Variants in PDZRN4 observed in about 807,000 individuals in gnomAD.
PDZRN4 encodes the protein PDZ domain-containing RING finger protein 4.
Under a neutral mutation model 99.0 loss-of-function variants are expected in PDZRN4, and 70 were observed. The ratio of observed to expected loss-of-function variants is 0.71; its 90% confidence interval spans 0.58 to 0.86. PDZRN4 has a LOEUF of 0.86. Among genes scored for constraint, PDZRN4 ranks in the 40% least tolerant of loss-of-function variants. The pLI is 0.00. For missense variants in PDZRN4, 1,474 were observed against 1,331.2 expected (o/e 1.11, Z -1.67); for synonymous variants, 551 against 501.6 (o/e 1.10, Z -1.32).
intron 3 of PDZRN4, among the ~76,000 whole-genome samples, chr12:41,198,333 C>T (rs1034328499): frequency 6.6e-6 from 1 of 152,052 alleles, no homozygotes; most frequent in Non-Finnish European, 1.5e-5. Context: ...CAGCACTCCC[C>T]TAACCCCTGC....
At chr12:41,247,886 A>G (rs17129165) in intron 3 of PDZRN4, among the ~76,000 whole-genome samples, 2,310 of 152,316 alleles carry the variant, frequency 0.015, 60 homozygotes, top group African/African-American at 0.053. Context: ...TTAAGTTAAT[A>G]TACTTGGGAC....
At chr12:41,480,092 TA>T (rs1937649724) in intron 3 of PDZRN4, among the ~76,000 whole-genome samples, 1 of 152,208 alleles carries the variant, frequency 6.6e-6, no homozygotes, top group Non-Finnish European at 1.5e-5. Flanking sequence ...CTATTATAAT[TA>T]AAAGTTCATG....
chr12:41,232,898 A>G (rs1049047314), intron 3 of PDZRN4, among the ~76,000 whole-genome samples: 1 of 152,032 alleles, frequency 6.6e-6, no homozygotes, highest in African/African-American at 2.4e-5. Flanking sequence ...TGGCTAGCCA[A>G]TTTTCCACAC....
chr12:41,543,315 T>G (rs1287952741), intron 5 of PDZRN4, among the ~76,000 whole-genome samples: 2 of 152,140 alleles, frequency 1.3e-5, no homozygotes, highest in Non-Finnish European at 1.5e-5. Flanking sequence ...AAAAGCAATC[T>G]TCAGAATTAA....
intron 3 of PDZRN4, among the ~76,000 whole-genome samples, chr12:41,267,689 A>T (rs1297405498): frequency 6.7e-6 from 1 of 149,564 alleles, no homozygotes; most frequent in African/African-American, 2.5e-5. Flanking sequence ...AAAAAAAAAA[A>T]AATTAACTGG....
At chr12:41,196,974 A>G (rs1950777590) in intron 3 of PDZRN4, among the ~76,000 whole-genome samples, 1 of 152,092 alleles carries the variant, frequency 6.6e-6, no homozygotes, top group Non-Finnish European at 1.5e-5. Context: ...ACTAGTTCAT[A>G]TATTATAAAA....
intron 7 of PDZRN4, among the ~76,000 whole-genome samples, chr12:41,558,106 C>G (rs1939198995): frequency 6.6e-6 from 1 of 152,132 alleles, no homozygotes; most frequent in African/African-American, 2.4e-5. Flanking sequence ...AAGTGTTTTA[C>G]TATTTTTTAA....
intron 3 of PDZRN4, among the ~76,000 whole-genome samples, chr12:41,470,492 C>A (rs11180934): frequency 3.9e-5 from 2 of 50,792 alleles, no homozygotes; most frequent in Non-Finnish European, 6.3e-5. Flanking sequence ...GCTTCACTTC[C>A]TTTTTTTTTA....
At chr12:41,418,793 A>C (rs999173267) in intron 3 of PDZRN4, among the ~76,000 whole-genome samples, 3 of 152,156 alleles carry the variant, frequency 2.0e-5, no homozygotes, top group African/African-American at 7.2e-5. Context: ...CCAAGGGAAA[A>C]GGGTTTGGCT....
chr12:41,382,586 G>T (rs1952135457), intron 3 of PDZRN4, among the ~76,000 whole-genome samples: 1 of 152,176 alleles, frequency 6.6e-6, no homozygotes, highest in Non-Finnish European at 1.5e-5. Flanking sequence ...AGGACTCTCA[G>T]GGAATAAGTT....
intron 1 of PDZRN4, 86 bp downstream of exon 1, chr12:41,189,189 G>T: frequency 1.5e-6 from 2 of 1,295,702 alleles, no homozygotes; most frequent in Admixed American, 2.0e-5. Context: ...GGATTCCTTT[G>T]GAATTGGGCA....
chr12:41,546,268 A>C (rs888489841), intron 5 of PDZRN4, among the ~76,000 whole-genome samples: 5 of 152,218 alleles, frequency 3.3e-5, no homozygotes, highest in Non-Finnish European at 7.3e-5. Flanking sequence ...GTGGACAAAG[A>C]GAACAGGGTA....
chr12:41,534,453 C>T (rs1296629269), intron 5 of PDZRN4, among the ~76,000 whole-genome samples: 1 of 152,080 alleles, frequency 6.6e-6, no homozygotes, highest in Non-Finnish European at 1.5e-5. Context: ...CCCTTCCCCT[C>T]ACTCCTCACA....
At chr12:41,340,066 C>A (rs1407063038) in intron 3 of PDZRN4, among the ~76,000 whole-genome samples, 1 of 152,060 alleles carries the variant, frequency 6.6e-6, no homozygotes, top group Non-Finnish European at 1.5e-5. Flanking sequence ...CCAGCAATTT[C>A]ACTGCTGAGT....
At chr12:41,384,777 G>A (rs1952155629) in intron 3 of PDZRN4, among the ~76,000 whole-genome samples, 1 of 152,026 alleles carries the variant, frequency 6.6e-6, no homozygotes, top group African/African-American at 2.4e-5. Flanking sequence ...GTGTGCCCTG[G>A]GTGAGACTCA....
At chr12:41,345,992 G>A (rs572394630) in intron 3 of PDZRN4, among the ~76,000 whole-genome samples, 1 of 151,994 alleles carries the variant, frequency 6.6e-6, no homozygotes, top group Non-Finnish European at 1.5e-5. Context: ...GTGTTTACTG[G>A]AGGATATTCA....
Position 41,574,133 on chromosome 12 carries a change from AAAAC to A in PDZRN4, c.*247_*250del, listed in dbSNP as rs1245457943. Reference sequence around the variant, plus strand: ...CATATTACTCGTTTATAAAAAATCAAAAACAAAAGGAAAGAAAACAAAAAAAACT... The same window carrying A: ...CATATTACTCGTTTATAAAAAATCAAAAAAGGAAAGAAAACAAAAAAAACT... On this transcript the variant is annotated 3_prime_UTR_variant, in exon 10 of 10. Coordinates refer to ENST00000402685, the MANE Select transcript of PDZRN4 (RefSeq NM_001164595.2). 1 of 308,860 alleles carries A rather than the reference AAAAC, an allele frequency of 3.2e-6. No homozygotes were observed. The allele number at this position is 308,860 out of a possible 1,614,324, so 19.1% of individuals were successfully genotyped here.
Position 41,194,111 on chromosome 12 carries a change from A to G in PDZRN4, c.766A>G (p.Ile256Val). Residue 256 changes from isoleucine (I) to valine (V), a missense_variant, in exon 3 of 10, where the codon ATT (isoleucine) becomes GTT (valine). Transcript: ENST00000402685. ...NNQEGTSTEGIYVSKILENGP... is the reference protein window; with the variant it reads ...NNQEGTSTEGVYVSKILENGP... ...TCAGGAAGGAACATCGACTGAAGGAATTTACGTTTCAAAAATTTTAGAAAA... is the reference window on the plus strand; with the variant it reads ...TCAGGAAGGAACATCGACTGAAGGAGTTTACGTTTCAAAAATTTTAGAAAA... The G allele has an allele frequency of 6.5e-7, 1 of 1,550,336 alleles. No individual in the cohort carries two copies. The highest frequency in any genetic ancestry group is 1.1e-5 in the South Asian group (1 of 90,072).
At chr12:41,301,886 A>G (rs1215367462) in intron 3 of PDZRN4, among the ~76,000 whole-genome samples, 4 of 152,174 alleles carry the variant, frequency 2.6e-5, no homozygotes, top group Non-Finnish European at 4.4e-5. Flanking sequence ...GCCTTCTTGA[A>G]TCTCACATGT....
Sources: gnomAD v4.1 joint callset for allele counts (sites outside exome capture counted in the v4.1 genomes callset) on GRCh38, gnomAD v4.1.1 for gene constraint, MANE v1.5 for transcripts, NCBI Gene and HGNC (gene_info 2026-07-23, HGNC 2026-07-21) for gene names.